CTNS: variants seen among roughly 807,000 people sequenced by gnomAD.
CTNS encodes the protein cystinosin.
Under a neutral mutation model 43.7 loss-of-function variants are expected in CTNS, and 27 were observed. The ratio of observed to expected loss-of-function variants is 0.62; its 90% CI spans 0.46 to 0.85. The LOEUF (loss-of-function observed/expected upper bound fraction) is 0.85, where lower values mean the gene tolerates loss of function less well. Among genes scored for constraint, CTNS ranks in the 40% least tolerant of loss-of-function variants. The pLI is 0.00. For missense variants in CTNS, 457 were observed against 475.4 expected (o/e 0.96, Z 0.36); for synonymous variants, 187 against 190.6 (o/e 0.98, Z 0.16).
At chr17:3,644,356 A>G (rs538179078) in intron 3 of CTNS, among the ~76,000 whole-genome samples, 3 of 152,330 alleles carry the variant, frequency 2.0e-5, no homozygotes, top group Admixed American at 6.5e-5. Flanking sequence ...TTGGAGCCCA[A>G]TATCTCAGTT....
rs72835815 is a variant in CTNS, at chr17:3,654,918, C to A, written c.226-80C>A. The A allele has an allele frequency of 1.1e-3, 1,067 of 983,764 alleles. 7 individuals carry two copies. The highest frequency in any genetic ancestry group is 1.6e-3 in the Non-Finnish European group (942 of 604,290). The allele number at this position is 983,764 out of a possible 1,614,324, so 60.9% of individuals were successfully genotyped here. A position where few individuals can be genotyped will look rare whatever the true frequency, so the allele number is the denominator to read the frequency against. ...GGTGGTGCGTCCCTCCGTTCCCTAGCGTGTTGCATAGAGCTAGATGCCAGC... is the reference window on the plus strand; with the variant it reads ...GGTGGTGCGTCCCTCCGTTCCCTAGAGTGTTGCATAGAGCTAGATGCCAGC... On this transcript the variant is annotated intron_variant, in intron 5 of 11. Coordinates refer to ENST00000046640, the MANE Select transcript of CTNS (RefSeq NM_004937.3).
intron 4 of CTNS, among the ~76,000 whole-genome samples, chr17:3,647,906 TC>T (rs773409905): frequency 3.0e-4 from 45 of 152,328 alleles, no homozygotes; most frequent in Non-Finnish European, 5.4e-4. Flanking sequence ...GGTTGGCACT[TC>T]TGAGGTTGCT....
chr17:3,652,477 A>T lies in CTNS; in HGVS notation c.226-2521A>T, dbSNP rs535435242. ...CGTGGTGGCAAGTACCTGTAATCCC[A>T]GCTACTTAGGAGGCTGAGGCAGGAA... On this transcript the variant is annotated intron_variant, in intron 5 of 11. Transcript: ENST00000046640. 3.9e-5 allele frequency among the ~76,000 whole-genome samples: 6 copies of T among 152,250 alleles called. 1 individual carries two copies. In the South Asian group the frequency reaches 8.3e-4, roughly 21 times the overall value.
intron 3 of CTNS, among the ~76,000 whole-genome samples, chr17:3,642,573 G>C (rs1359600900): frequency 6.6e-6 from 1 of 152,138 alleles, no homozygotes; most frequent in African/African-American, 2.4e-5. Flanking sequence ...TGTAAGCCCA[G>C]CTACTTAGGA....
At chr17:3,641,626 C>T (rs868356160) in intron 3 of CTNS, among the ~76,000 whole-genome samples, 56 of 151,610 alleles carry the variant, frequency 3.7e-4, no homozygotes, top group African/African-American at 1.3e-3. Flanking sequence ...CTCCTGACCT[C>T]GTGGCTCGCC....
rs1211208389 is a variant in CTNS at position 3,661,648 on chromosome 17, G to A, written c.*1279G>A. On this transcript the variant is annotated 3_prime_UTR_variant, in exon 12 of 12. Transcript: ENST00000046640. The stretch of plus-strand genomic sequence containing the variant: ...AAGGTTGTGAAGGTCACTGACCCGA[G>A]AGCGCTGCGTGCTGACCCCACACTT... The A allele has an allele frequency of 1.3e-5, 2 of 152,396 alleles. No homozygotes were observed. Among genetic ancestry groups the A allele is most frequent in the South Asian group, 2.1e-4 (1 of 4,832 alleles). 9.4% of individuals were successfully genotyped at this position (152,396 alleles called of 1,614,324 possible). A position where few individuals can be genotyped will look rare whatever the true frequency, so the allele number is the denominator to read the frequency against.
chr17:3,640,565 G>C (rs1050586419), intron 3 of CTNS, among the ~76,000 whole-genome samples: 1 of 152,242 alleles, frequency 6.6e-6, no homozygotes, highest in African/African-American at 2.4e-5. Flanking sequence ...GATTCTCAAA[G>C]TCAAACGGTA....
intron 6 of CTNS, 55 bp downstream of exon 6, chr17:3,655,156 G>T: frequency 6.2e-7 from 1 of 1,614,116 alleles, no homozygotes; most frequent in Non-Finnish European, 8.5e-7. Context: ...GGCCGTGCTG[G>T]GCACGTGGGA....
chr17:3,656,981 G>A lies in CTNS; in HGVS notation c.681+186G>A, dbSNP rs1359447409. ...CAGAGCCCCCCAAGTCTGGGGTGAG[G>A]GACTCAGGGAGAGGCAGTGCCTGGA... On this transcript the variant is annotated intron_variant, in intron 9 of 11. Coordinates refer to ENST00000046640, the MANE Select transcript of CTNS (RefSeq NM_004937.3). The A allele has an allele frequency of 5.7e-6, 5 of 878,550 alleles. No individual in the cohort carries two copies. The South Asian group carries it at 6.3e-5, about 11-fold the overall frequency. 54.4% of individuals were successfully genotyped at this position (878,550 alleles called of 1,614,324 possible).
chr17:3,660,140 G>A, intron 11 of CTNS, 96 bp from the exon 12 acceptor site: 1 of 1,575,872 alleles, frequency 6.3e-7, no homozygotes. Context: ...AGGCTTTGTG[G>A]TTTTCTGGGA....
In CTNS at chr17:3,660,766, C is replaced by T. The variant is rs1403549786; in HGVS notation, c.*397C>T. On this transcript the variant is annotated 3_prime_UTR_variant, in exon 12 of 12. Coordinates refer to ENST00000046640, the MANE Select transcript of CTNS (RefSeq NM_004937.3). ...AGCCGGGTGAGCCAAGGGCACTTTG[C>T]TGCCACCGCTGCATTCCCAGAGATC... The T allele has an allele frequency of 1.2e-6, 2 of 1,612,714 alleles. No homozygotes were observed. Among genetic ancestry groups the T allele is most frequent in the East Asian group, 2.2e-5 (1 of 44,876 alleles).
At position 3,658,005 on chromosome 17, in the gene CTNS, C is replaced by A; in HGVS notation, c.682C>A (p.Arg228Ser). The A allele has an allele frequency of 1.2e-6, 2 of 1,608,788 alleles. No individual in the cohort carries two copies. The stretch of plus-strand genomic sequence containing the variant: ...ATCTCTGCCCTCCTCTCGCCCCCAG[C>A]GCGGTGGCCAGCGCGTGTCCTGGCC... ...IIIVQCCLYE[R>S]GGQRVSWPAI... is the part of the protein sequence containing the mutation. Residue 228 changes from arginine to serine, a missense_variant and splice_region_variant, in exon 10 of 12, where the codon CGC (arginine) becomes AGC (serine). Coordinates refer to ENST00000046640, the MANE Select transcript of CTNS (RefSeq NM_004937.3).
At chr17:3,660,203 T>G in intron 11 of CTNS, 33 bp from the exon 12 acceptor site, 1 of 1,613,788 alleles carries the variant, frequency 6.2e-7, no homozygotes, top group East Asian at 2.2e-5. Flanking sequence ...GCTGCCAACC[T>G]AACACCAGCT....
intron 3 of CTNS, 101 bp from the exon 4 acceptor site, chr17:3,647,343 C>T: frequency 1.0e-6 from 1 of 984,288 alleles, no homozygotes; most frequent in Non-Finnish European, 1.6e-6. Flanking sequence ...GTCAGAGAGT[C>T]AGAGCTCAGG....
intron 5 of CTNS, among the ~76,000 whole-genome samples, chr17:3,651,738 C>T (rs534111551): frequency 4.0e-5 from 6 of 151,822 alleles, no homozygotes; most frequent in African/African-American, 7.2e-5. Flanking sequence ...TTTGGGAGGC[C>T]GAGGTGGGCG....
intron 3 of CTNS, among the ~76,000 whole-genome samples, chr17:3,645,489 A>G (rs2075821599): frequency 6.6e-6 from 1 of 152,078 alleles, no homozygotes; most frequent in African/African-American, 2.4e-5. Context: ...CTTAGAGGAG[A>G]CGAGGTTACA....
rs533446822 is a variant in CTNS at position 3,659,278 on chromosome 17, GCGCATCCC to G, written c.853-575_853-568del. Among the ~76,000 whole-genome samples, 107 of 152,272 alleles carry G rather than the reference GCGCATCCC, an allele frequency of 7.0e-4. 4 individuals are homozygous for G. In the South Asian group the frequency reaches 0.022, roughly 31 times the overall value. On this transcript the variant is annotated intron_variant, in intron 10 of 11. Transcript: ENST00000046640. The stretch of plus-strand genomic sequence containing the variant: ...GTGGGGCACAGGCAGTCAGACTGGG[GCGCATCCC>G]CGCAGACCCGCCCCCCCAACCAGAC...
rs1428286498 is a variant in CTNS, at chr17:3,662,827, T to C, written c.*2458T>C. On this transcript the variant is annotated 3_prime_UTR_variant, in exon 12 of 12. Coordinates refer to ENST00000046640, the MANE Select transcript of CTNS (RefSeq NM_004937.3). The stretch of plus-strand genomic sequence containing the variant: ...ATGGGGCCATCATTAAAACCACAGC[T>C]CTGGCCCCAATATCCCACCGCCACC... The C allele has an allele frequency of 6.6e-6, 1 of 152,018 alleles. No homozygotes were observed. Among genetic ancestry groups the C allele is most frequent in the Non-Finnish European group, 1.5e-5 (1 of 67,992 alleles). 9.4% of individuals were successfully genotyped at this position (152,018 alleles called of 1,614,324 possible).
intron 4 of CTNS, 118 bp downstream of exon 4, chr17:3,647,640 T>A: frequency 1.1e-6 from 1 of 906,978 alleles, no homozygotes; most frequent in South Asian, 1.4e-5. Context: ...CTCTTACCTG[T>A]AAGACAAGCC....
Sources: allele counts gnomAD v4.1 joint callset (sites outside exome capture counted in the v4.1 genomes callset), GRCh38; gene constraint gnomAD v4.1.1; transcripts MANE v1.5; gene names NCBI Gene and HGNC (gene_info 2026-07-23, HGNC 2026-07-21).